KLHL29: variants seen among roughly 807,000 people sequenced by gnomAD.
The protein encoded by KLHL29 is kelch-like protein 29.
A neutral mutation model predicts 80.4 loss-of-function variants in KLHL29; 21 were observed. The ratio of observed to expected loss-of-function variants is 0.26; its 90% CI spans 0.19 to 0.38. The LOEUF (loss-of-function observed/expected upper bound fraction) is 0.38. Ranked by LOEUF, KLHL29 falls within the 10% of genes least tolerant of loss-of-function variation. The pLI, the probability that KLHL29 is intolerant of heterozygous loss-of-function variation, is 1.00. For missense variants in KLHL29, 867 were observed against 1,223.9 expected, an observed-to-expected ratio of 0.71 and a Z score of 4.35; for synonymous variants, 511 against 526.8, an observed-to-expected ratio of 0.97 and a Z score of 0.41.
At chr2:23,656,059 C>T (rs1670235205) in intron 5 of KLHL29, among the ~76,000 whole-genome samples, 1 of 152,212 alleles carries the variant, frequency 6.6e-6, no homozygotes, top group Non-Finnish European at 1.5e-5. Flanking sequence ...TAGCTCTTCA[C>T]TTCAAAAGAC....
intron 2 of KLHL29, among the ~76,000 whole-genome samples, chr2:23,536,976 G>T (rs1475851269): frequency 6.7e-6 from 1 of 149,416 alleles, no homozygotes; most frequent in Non-Finnish European, 1.5e-5. Context: ...TCTCCTTCAG[G>T]TGTGGTGTAA....
At chr2:23,604,145 TTTTTTTTA>T (rs1411872689) in intron 3 of KLHL29, among the ~76,000 whole-genome samples, 1 of 54,538 alleles carries the variant, frequency 1.8e-5, no homozygotes, top group Non-Finnish European at 4.1e-5. Context: ...TGTTTTTTTA[TTTTTTTTA>T]TTTTTTTTAT....
At chr2:23,497,426 C>G (rs1665301905) in intron 2 of KLHL29, among the ~76,000 whole-genome samples, 1 of 152,128 alleles carries the variant, frequency 6.6e-6, no homozygotes, top group South Asian at 2.1e-4. Context: ...GTTCCACATA[C>G]CTGGACCCTG....
At chr2:23,526,367 C>T (rs897884742) in intron 2 of KLHL29, among the ~76,000 whole-genome samples, 7 of 152,226 alleles carry the variant, frequency 4.6e-5, no homozygotes, top group African/African-American at 1.7e-4. Flanking sequence ...ATGCTGCGCT[C>T]TTGGCCTGGC....
At chr2:23,657,147 AC>A (rs1670269526) in intron 5 of KLHL29, among the ~76,000 whole-genome samples, 1 of 152,066 alleles carries the variant, frequency 6.6e-6, no homozygotes, top group East Asian at 1.9e-4. Flanking sequence ...CTGACAAGGC[AC>A]CCCTGCCAGC....
intron 2 of KLHL29, among the ~76,000 whole-genome samples, chr2:23,521,562 T>C (rs1666105019): frequency 1.3e-5 from 2 of 152,198 alleles, no homozygotes; most frequent in South Asian, 2.1e-4. Flanking sequence ...TAGCCACTCC[T>C]CTCTGCCTCC....
intron 2 of KLHL29, chr2:23,524,267 C>T (rs1223332335): frequency 1.2e-4 from 30 of 256,044 alleles, no homozygotes; most frequent in Admixed American, 9.5e-4. Context: ...AAACCCAGAG[C>T]GGGCAGGCAG....
Position 23,529,837 on chromosome 2 carries a change from A to G in KLHL29, c.-45-32315A>G, listed in dbSNP as rs1375426162. Among the ~76,000 whole-genome samples the G allele has an allele frequency of 2.0e-5, 3 of 151,996 alleles. No homozygotes were observed. The East Asian group carries it at 5.8e-4, about 29-fold the overall frequency. On this transcript the variant is annotated intron_variant, in intron 2 of 13. Transcript: ENST00000486442. ...CCTGGGGGGCCGCATTTGCAGACTGAGCTCTGGTCGCAGCATGACAAAGGC... is the reference window on the plus strand; with the variant it reads ...CCTGGGGGGCCGCATTTGCAGACTGGGCTCTGGTCGCAGCATGACAAAGGC...
chr2:23,654,803 G>A (rs957561163), intron 5 of KLHL29, among the ~76,000 whole-genome samples: 3 of 152,050 alleles, frequency 2.0e-5, no homozygotes, highest in Non-Finnish European at 2.9e-5. Context: ...CAGAGTCATG[G>A]ATGGAAAACC....
chr2:23,444,779 C>G (rs1663626196), intron 1 of KLHL29, among the ~76,000 whole-genome samples: 1 of 152,040 alleles, frequency 6.6e-6, no homozygotes, highest in Non-Finnish European at 1.5e-5. Context: ...TTCTTTTTGT[C>G]CTTAGAATAT....
At chr2:23,605,427 C>T (rs1029017666) in intron 3 of KLHL29, among the ~76,000 whole-genome samples, 1 of 152,042 alleles carries the variant, frequency 6.6e-6, no homozygotes, top group Non-Finnish European at 1.5e-5. Flanking sequence ...GACTTCCACG[C>T]GGCTCTTGTA....
intron 1 of KLHL29, among the ~76,000 whole-genome samples, chr2:23,435,927 A>G (rs1221049162): frequency 6.7e-6 from 1 of 149,376 alleles, no homozygotes; most frequent in Non-Finnish European, 1.5e-5. Context: ...TTAAAAAGGA[A>G]AGCTGTTGTT....
At chr2:23,544,287 A>G (rs537911474) in intron 2 of KLHL29, among the ~76,000 whole-genome samples, 31 of 152,320 alleles carry the variant, frequency 2.0e-4, no homozygotes, top group African/African-American at 7.2e-4. Flanking sequence ...GCCTGGGCCA[A>G]GATACAGCAT....
At chr2:23,612,490 A>AAAG (rs1156840431) in intron 3 of KLHL29, among the ~76,000 whole-genome samples, 1 of 152,228 alleles carries the variant, frequency 6.6e-6, no homozygotes, top group East Asian at 1.9e-4. Context: ...CATGCCTGTA[A>AAAG]TCCCAGAACT....
chr2:23,613,759 A>C (rs1220618520), intron 3 of KLHL29, among the ~76,000 whole-genome samples: 1 of 115,120 alleles, frequency 8.7e-6, no homozygotes, highest in Non-Finnish European at 1.8e-5. Context: ...GCAAGACTCC[A>C]TCTCAAAAAA....
At chr2:23,467,725 G>T (rs1664389776) in intron 1 of KLHL29, among the ~76,000 whole-genome samples, 1 of 152,186 alleles carries the variant, frequency 6.6e-6, no homozygotes. Context: ...CTTGATTTTG[G>T]TTTACCAATC....
chr2:23,482,238 G>A (rs1300337880), intron 2 of KLHL29, among the ~76,000 whole-genome samples: 1 of 152,236 alleles, frequency 6.6e-6, no homozygotes, highest in Admixed American at 6.5e-5. Flanking sequence ...GTCCAGTCTA[G>A]CTACAGAACC....
rs745646115 is a variant in KLHL29, at chr2:23,706,784, C to A, written c.*120C>A. On this transcript the variant is annotated 3_prime_UTR_variant, in exon 14 of 14. Coordinates refer to ENST00000486442, the MANE Select transcript of KLHL29 (RefSeq NM_052920.2). Reference sequence around the variant, plus strand: ...CAAAACACAATCAAGGAACTCACTGCGCTCAACATGTTGAATATTCTCTAC... The same window carrying A: ...CAAAACACAATCAAGGAACTCACTGAGCTCAACATGTTGAATATTCTCTAC... 17 of 645,128 alleles carry A rather than the reference C, an allele frequency of 2.6e-5. No homozygotes were observed. Among genetic ancestry groups the A allele is most frequent in the Non-Finnish European group, 4.3e-5 (17 of 396,514 alleles). The allele number at this position is 645,128 out of a possible 1,614,324, so 40.0% of individuals were successfully genotyped here.
chr2:23,609,534 C>G (rs563831877), intron 3 of KLHL29, among the ~76,000 whole-genome samples: 1 of 151,856 alleles, frequency 6.6e-6, no homozygotes, highest in East Asian at 1.9e-4. Flanking sequence ...CCCCCCTCGG[C>G]TGGTTGTGGA....
Sources: allele counts gnomAD v4.1 joint callset (sites outside exome capture counted in the v4.1 genomes callset), GRCh38; gene constraint gnomAD v4.1.1; transcripts MANE v1.5; gene names NCBI Gene and HGNC (gene_info 2026-07-23, HGNC 2026-07-21).